TASOR2: variants seen among roughly 807,000 people sequenced by gnomAD.
TASOR2 encodes the protein transcription activation suppressor family member 2.
TASOR2 carries 84 observed loss-of-function variants against 199.5 expected under a neutral mutation model. The ratio of observed to expected loss-of-function variants is 0.42; its 90% confidence interval spans 0.35 to 0.50. TASOR2 has a LOEUF of 0.50. TASOR2 is among the 20% of genes least tolerant of loss of function. The pLI, the probability that TASOR2 is intolerant of heterozygous loss-of-function variation, is 0.02. For missense variants in TASOR2, 2,796 were observed against 2,835.9 expected (o/e 0.99, Z 0.32); for synonymous variants, 1,103 against 1,046.6 (o/e 1.05, Z -1.04).
chr10:5,762,281 AAAATTTACGT>A (rs1839972108), intron 19 of TASOR2, among the ~76,000 whole-genome samples: 1 of 151,990 alleles, frequency 6.6e-6, no homozygotes, highest in African/African-American at 2.4e-5. Context: ...AGTGTTAAGA[AAAATTTACGT>A]AAAGAACCAT....
At position 5,698,181 on chromosome 10, in the gene TASOR2, C is replaced by A. The variant is rs1001731398; in HGVS notation, c.-288+13006C>A. 6.6e-6 allele frequency among the ~76,000 whole-genome samples: 1 copy of A among 152,222 alleles called. No individual in the cohort carries two copies. The highest frequency in any genetic ancestry group is 2.4e-5 in the African/African-American group (1 of 41,440). ...AAAGTGATAACATATCAGTTTCAAG[C>A]CTAAGCCTTAAGAGGCCTTGGGTAT... is the stretch of plus-strand genomic sequence containing the variant. On this transcript the variant is annotated intron_variant, in intron 1 of 20. Coordinates refer to ENST00000328090, the Ensembl canonical transcript of TASOR2. The surrounding 1 kb of genome is among the most constrained non-coding windows in gnomAD (Gnocchi z 4.4).
At chr10:5,717,507 C>G (rs2131562162) in intron 2 of TASOR2, among the ~76,000 whole-genome samples, 152 bp from the exon 4 acceptor site, 1 of 152,308 alleles carries the variant, frequency 6.6e-6, no homozygotes, top group African/African-American at 2.4e-5. Context: ...CCTGTCCTTT[C>G]TTCCTCGTTT....
chr10:5,709,949 A>C (rs1422478343), intron 1 of TASOR2, among the ~76,000 whole-genome samples: 2 of 152,304 alleles, frequency 1.3e-5, no homozygotes, highest in Non-Finnish European at 2.9e-5. Context: ...TTAATGCTTT[A>C]TAGGCAAGCA....
exon 15 of TASOR2, chr10:5,749,634 G>A: frequency 6.2e-7 from 1 of 1,614,158 alleles, no homozygotes; most frequent in East Asian, 2.2e-5. Flanking sequence ...CTTGGAGAGA[G>A]AGATGTAGTC....
rs182219393 is a variant in TASOR2, at chr10:5,693,995, A to G, written c.-288+8820A>G. Among the ~76,000 whole-genome samples the G allele has an allele frequency of 6.8e-3, 1,035 of 152,300 alleles. 8 individuals carry two copies. Among genetic ancestry groups the G allele is most frequent in the Admixed American group, 0.011 (161 of 15,276 alleles). On this transcript the variant is annotated intron_variant, in intron 1 of 20. Transcript: ENST00000328090. ...TCCATGTTCTAATGCTTTAAAGAAA[A>G]CACTTGCAGCAGGGTAATCCGAGGT...
At chr10:5,747,887 G>C (rs1280240875) in exon 15 of TASOR2, 3 of 1,613,800 alleles carry the variant, frequency 1.9e-6, no homozygotes, top group Non-Finnish European at 1.7e-6. Context: ...CATCCAGGAA[G>C]AACAGGTAGA....
intron 1 of TASOR2, among the ~76,000 whole-genome samples, chr10:5,696,887 C>A (rs559836421): frequency 2.6e-4 from 40 of 151,848 alleles, no homozygotes; most frequent in Non-Finnish European, 1.0e-4. Context: ...AAAACTGCTG[C>A]GACAGAAGAA....
At chr10:5,739,559 CAG>C (rs1360949788) in intron 12 of TASOR2, 57 bp from the exon 14 acceptor site, 27 of 1,471,588 alleles carry the variant, frequency 1.8e-5, no homozygotes, top group African/African-American at 2.8e-5. Context: ...AGTAATATGG[CAG>C]AGAGTTAATT....
chr10:5,718,499 G>A (rs2131564404), intron 3 of TASOR2, among the ~76,000 whole-genome samples: 1 of 151,986 alleles, frequency 6.6e-6, no homozygotes, highest in African/African-American at 2.4e-5. Flanking sequence ...TGTAATCCCA[G>A]CACTTTGGGA....
At chr10:5,745,906 G>T (rs983309187) in intron 14 of TASOR2, among the ~76,000 whole-genome samples, 2 of 152,146 alleles carry the variant, frequency 1.3e-5, no homozygotes, top group African/African-American at 4.8e-5. Flanking sequence ...AATTGTCAGT[G>T]GTCTAGTTAT....
chr10:5,709,747 C>G, intron 1 of TASOR2: 7 of 1,124,466 alleles, frequency 6.2e-6, no homozygotes, highest in Non-Finnish European at 7.8e-6. Context: ...TAATTTAGAT[C>G]ATGTAAAACA....
chr10:5,744,942 T>C (rs1304938556), intron 14 of TASOR2, among the ~76,000 whole-genome samples: 2 of 152,206 alleles, frequency 1.3e-5, no homozygotes, highest in Non-Finnish European at 2.9e-5. Flanking sequence ...GACAGAAATG[T>C]TTTTAACAAG....
chr10:5,739,819 C>G, exon 13 of TASOR2: 1 of 1,614,198 alleles, frequency 6.2e-7, no homozygotes, highest in Non-Finnish European at 8.5e-7. Context: ...TCTTCCACAC[C>G]AGTATCTGAG....
At chr10:5,761,236 A>G in intron 18 of TASOR2, 54 bp from the exon 20 acceptor site, 20 of 1,481,742 alleles carry the variant, frequency 1.3e-5, no homozygotes, top group Non-Finnish European at 1.6e-5. Flanking sequence ...GGCAAGAAAA[A>G]GTCCTAAGAA....
At position 5,763,084 on chromosome 10, in the gene TASOR2, T is replaced by G. The variant is rs756827035; in HGVS notation, c.*52T>G. ...ATGATGCCAATAAAAAATTAGTATT[T>G]TCCCTTTGGAAAACTTGTGAACATG... On this transcript the variant is annotated 3_prime_UTR_variant, in exon 21 of 21. Transcript: ENST00000328090. 3 of 1,593,876 alleles carry G rather than the reference T, an allele frequency of 1.9e-6. No individual in the cohort carries two copies. The South Asian group carries it at 3.4e-5, about 18-fold the overall frequency.
chr10:5,748,919 A>G lies in TASOR2; in HGVS notation c.5498A>G (p.Asp1833Gly). ...GAACTCTCTGGAGATTCTGATCTAG[A>G]CCTGCTTGGTGATTGTAGAAATCCC... Residue 1833 changes from aspartate (D) to glycine (G), a missense_variant, in exon 15 of 21, where the codon GAC (aspartate) becomes GGC (glycine). Asp to Gly is a moderately conservative substitution (Grantham distance 94, BLOSUM62 -1). Transcript: ENST00000328090. The surrounding 1 kb of genome is among the most constrained non-coding windows in gnomAD (Gnocchi z 5.1). The G allele has an allele frequency of 6.2e-7, 1 of 1,614,084 alleles. No individual in the cohort carries two copies. Among genetic ancestry groups the G allele is most frequent in the Non-Finnish European group, 8.5e-7 (1 of 1,180,012 alleles).
chr10:5,712,658 C>A, intron 1 of TASOR2, 165 bp from the exon 2 acceptor site: 1 of 885,540 alleles, frequency 1.1e-6, no homozygotes, highest in Non-Finnish European at 1.5e-6. Flanking sequence ...GCAGCAGATC[C>A]TTGGAAATAG....
At chr10:5,746,574 A>G (rs1396107644) in exon 15 of TASOR2, 3 of 1,614,204 alleles carry the variant, frequency 1.9e-6, no homozygotes, top group East Asian at 4.5e-5. Context: ...ACCCGGAACC[A>G]ATTACTCTCA....
Position 5,750,096 on chromosome 10 carries a change from G to C in TASOR2, c.6606+69G>C. 1 of 1,461,068 alleles carries C rather than the reference G, an allele frequency of 6.8e-7. No individual in the cohort carries two copies. The highest frequency in any genetic ancestry group is 9.1e-7 in the Non-Finnish European group (1 of 1,100,498). 90.5% of individuals were successfully genotyped at this position (1,461,068 alleles called of 1,614,324 possible). On this transcript the variant is annotated intron_variant, in intron 15 of 20. Coordinates refer to ENST00000328090, the Ensembl canonical transcript of TASOR2. This position sits in a 1 kb window ranked among gnomAD's most constrained non-coding sequence, Gnocchi z 5.4. ...TTTAGTTTTAGAAATAATAAATTTA[G>C]CATATTAGCCATCAAAAAGAAATCA...
Sources: gnomAD v4.1 joint callset for allele counts (sites outside exome capture counted in the v4.1 genomes callset) on GRCh38, gnomAD v4.1.1 for gene constraint, Gnocchi (gnomAD v3.1) non-coding constraint, MANE v1.5 for transcripts, NCBI Gene and HGNC (gene_info 2026-07-23, HGNC 2026-07-21) for gene names.